CNTN3: variants seen among roughly 807,000 people sequenced by gnomAD.
The protein encoded by CNTN3 is contactin-3.
Under a neutral mutation model 119.1 loss-of-function variants are expected in CNTN3, and 60 were observed. The observed-to-expected ratio is 0.50, with a 90% CI of 0.41 to 0.62. The LOEUF (loss-of-function observed/expected upper bound fraction) is 0.62, where lower values mean the gene tolerates loss of function less well. Ranked by LOEUF, CNTN3 falls within the 20% of genes least tolerant of loss-of-function variation. CNTN3 has a pLI of 0.00. For synonymous variants in CNTN3, 450 were observed against 438.7 expected (o/e 1.03, Z -0.32); for missense variants, 1,101 against 1,242.4 (o/e 0.89, Z 1.71).
At chr3:74,475,311 T>C (rs577514649) in intron 4 of CNTN3, among the ~76,000 whole-genome samples, 1 of 152,128 alleles carries the variant, frequency 6.6e-6, no homozygotes, top group African/African-American at 2.4e-5. Flanking sequence ...CAAATGCATA[T>C]CTAAGCAAAA....
Position 74,331,504 on chromosome 3 carries a change from G to A in CNTN3, c.1668+3231C>T, listed in dbSNP as rs1703264666. Among the ~76,000 whole-genome samples, 2 of 152,138 alleles carry A rather than the reference G, an allele frequency of 1.3e-5. 1 individual carries two copies. The highest frequency in any genetic ancestry group is 4.1e-4 in the South Asian group (2 of 4,828). On this transcript the variant is annotated intron_variant, in intron 13 of 22. Coordinates refer to ENST00000263665, the MANE Select transcript of CNTN3 (RefSeq NM_020872.3). ...GCAACATGTGACTGTACTAAAAACT[G>A]ATGTGAAAAGAGATCCGAAAATAAG...
intron 5 of CNTN3, among the ~76,000 whole-genome samples, chr3:74,419,188 A>G (rs1423935503): frequency 2.0e-5 from 3 of 152,190 alleles, no homozygotes; most frequent in African/African-American, 7.2e-5. Context: ...TATTATACTT[A>G]CAGATTAAAC....
intron 1 of CNTN3, among the ~76,000 whole-genome samples, chr3:74,581,487 T>C (rs1354208921): frequency 6.6e-6 from 1 of 152,146 alleles, no homozygotes; most frequent in Non-Finnish European, 1.5e-5. Flanking sequence ...TCTAAATAAA[T>C]GAAGAGAGAT....
chr3:74,502,372 C>T (rs777512212), intron 2 of CNTN3, among the ~76,000 whole-genome samples: 1 of 152,118 alleles, frequency 6.6e-6, no homozygotes, highest in Non-Finnish European at 1.5e-5. Context: ...TAATAAAAGT[C>T]ATGTCCCAAA....
chr3:74,583,570 G>A (rs1704548695), intron 1 of CNTN3, among the ~76,000 whole-genome samples: 3 of 152,106 alleles, frequency 2.0e-5, no homozygotes, highest in African/African-American at 7.2e-5. Flanking sequence ...GGGGAACTGG[G>A]GAGATAGAAT....
At chr3:74,509,236 A>T (rs766407301) in intron 2 of CNTN3, among the ~76,000 whole-genome samples, 37 of 152,126 alleles carry the variant, frequency 2.4e-4, no homozygotes, top group Non-Finnish European at 5.1e-4. Flanking sequence ...AGTATTACAC[A>T]CTTTGCATTT....
chr3:74,476,364 G>A (rs758476309), intron 4 of CNTN3, among the ~76,000 whole-genome samples: 18 of 152,122 alleles, frequency 1.2e-4, no homozygotes, highest in African/African-American at 3.1e-4. Context: ...TACATCAAGC[G>A]AATATACTAA....
intron 1 of CNTN3, among the ~76,000 whole-genome samples, chr3:74,567,586 A>T (rs1704247408): frequency 6.6e-6 from 1 of 152,024 alleles, no homozygotes. Flanking sequence ...CTAAAATCTG[A>T]TACCTACAGA....
chr3:74,514,822 G>A (rs913102585), intron 2 of CNTN3, among the ~76,000 whole-genome samples: 3 of 152,104 alleles, frequency 2.0e-5, no homozygotes, highest in Non-Finnish European at 2.9e-5. Flanking sequence ...GCAAAATGCA[G>A]AGAAGTGAAA....
chr3:74,401,515 C>T (rs12495447), intron 5 of CNTN3, among the ~76,000 whole-genome samples: 54,822 of 149,386 alleles, frequency 0.37, 10,857 homozygotes, highest in East Asian at 0.61. Flanking sequence ...CACGCGCGCA[C>T]GCACACACAC....
At chr3:74,287,400 T>C (rs1365376827) in intron 19 of CNTN3, among the ~76,000 whole-genome samples, 1 of 152,158 alleles carries the variant, frequency 6.6e-6, no homozygotes, top group East Asian at 1.9e-4. Context: ...AAAAATGAAA[T>C]GCAGCTTATA....
In CNTN3 at chr3:74,614,601, A is replaced by ACCGCCG. The variant is rs1458152711; in HGVS notation, c.-297_-292dup. ...CGGCGCCAGCCCGCCCGCCGCTGCC[A>ACCGCCG]CCGCCGCCGCCGCCAAGCGCCAGGC... On this transcript the variant is annotated 5_prime_UTR_variant, in exon 1 of 23. Transcript: ENST00000263665. Among the ~76,000 whole-genome samples the ACCGCCG allele has an allele frequency of 6.8e-6, 1 of 146,808 alleles. No individual in the cohort carries two copies. Among genetic ancestry groups the ACCGCCG allele is most frequent in the African/African-American group, 2.5e-5 (1 of 40,374 alleles).
At chr3:74,266,926 A>T (rs116805713) in intron 21 of CNTN3, among the ~76,000 whole-genome samples, 2,148 of 152,214 alleles carry the variant, frequency 0.014, 52 homozygotes, top group African/African-American at 0.046. Context: ...AGGCAGGGCC[A>T]TAGTGTATGG....
intron 5 of CNTN3, among the ~76,000 whole-genome samples, chr3:74,400,242 A>C (rs891633339): frequency 6.6e-6 from 1 of 152,180 alleles, no homozygotes; most frequent in African/African-American, 2.4e-5. Context: ...AGATCCCATT[A>C]CTTTTTCTTT....
intron 5 of CNTN3, among the ~76,000 whole-genome samples, chr3:74,385,020 T>C (rs190627633): frequency 3.3e-5 from 5 of 152,338 alleles, no homozygotes; most frequent in Admixed American, 2.0e-4. Flanking sequence ...TCACAGGCTA[T>C]TTAGAGTGCC....
Position 74,273,840 on chromosome 3 carries a change from C to T in CNTN3, c.2705-6462G>A, listed in dbSNP as rs925503574. On this transcript the variant is annotated intron_variant, in intron 20 of 22. Transcript: ENST00000263665. ...AACCTGGGGGAGAGAGTGAATCTGGCGTGCAGACTTTATAGGTGGAGGAAG... is the reference window on the plus strand; with the variant it reads ...AACCTGGGGGAGAGAGTGAATCTGGTGTGCAGACTTTATAGGTGGAGGAAG... Among the ~76,000 whole-genome samples the T allele has an allele frequency of 9.9e-5, 15 of 152,100 alleles. 1 individual carries two copies. The highest frequency in any genetic ancestry group is 1.9e-4 in the East Asian group (1 of 5,170).
chr3:74,535,623 G>C (rs1703753586), intron 1 of CNTN3, among the ~76,000 whole-genome samples: 1 of 152,088 alleles, frequency 6.6e-6, no homozygotes, highest in Admixed American at 6.6e-5. Flanking sequence ...CTTGAGGGCT[G>C]TCAATGCGAT....
intron 11 of CNTN3, 132 bp downstream of exon 11, chr3:74,361,758 T>C (rs1459074301): frequency 2.2e-6 from 2 of 898,898 alleles, no homozygotes; most frequent in East Asian, 2.9e-5. Flanking sequence ...AAAATACTAC[T>C]ATTTTAGTTC....
chr3:74,487,079 C>T (rs1349117493), intron 3 of CNTN3, among the ~76,000 whole-genome samples: 2 of 152,302 alleles, frequency 1.3e-5, no homozygotes, highest in South Asian at 2.1e-4. Context: ...GCTCAACTAT[C>T]CATTTCAATT....
Sources: allele counts gnomAD v4.1 joint callset (sites outside exome capture counted in the v4.1 genomes callset), GRCh38; gene constraint gnomAD v4.1.1; transcripts MANE v1.5; gene names NCBI Gene and HGNC (gene_info 2026-07-23, HGNC 2026-07-21).